The following CREB1 variants were observed in gnomAD, a reference collection of about 807,000 sequenced individuals.
CREB1 encodes cyclic AMP-responsive element-binding protein 1.
Under a neutral mutation model 42.0 loss-of-function variants are expected in CREB1, and 2 were observed. That is an observed-to-expected ratio of 0.05 (90% CI 0.02 to 0.15). CREB1 has a LOEUF of 0.15. Among genes scored for constraint, CREB1 ranks in the 10% least tolerant of loss-of-function variants. The pLI is 1.00. For missense variants in CREB1, 199 were observed against 388.9 expected (o/e 0.51, Z 4.11); for synonymous variants, 123 against 139.9 (o/e 0.88, Z 0.85).
chr2:207,535,828 A>G (rs1057334185), intron 1 of CREB1, among the ~76,000 whole-genome samples: 7 of 147,938 alleles, frequency 4.7e-5, no homozygotes, highest in Non-Finnish European at 1.0e-4. Context: ...ATTTTTATTT[A>G]TTTATTTTTT....
At chr2:207,589,336 G>GTGTTA (rs1323392080) in intron 7 of CREB1, among the ~76,000 whole-genome samples, 1 of 152,090 alleles carries the variant, frequency 6.6e-6, no homozygotes, top group Non-Finnish European at 1.5e-5. Context: ...CTTCAACATA[G>GTGTTA]TGTTATCTCT....
intron 2 of CREB1, among the ~76,000 whole-genome samples, chr2:207,557,286 C>T (rs2081766889): frequency 6.6e-6 from 1 of 152,174 alleles, no homozygotes; most frequent in Admixed American, 6.5e-5. Context: ...TTTCTCCCTA[C>T]TTCCATTTTC....
At chr2:207,589,974 CCTTCT>C (rs2084658121) in intron 7 of CREB1, among the ~76,000 whole-genome samples, 1 of 151,998 alleles carries the variant, frequency 6.6e-6, no homozygotes, top group Admixed American at 6.6e-5. Flanking sequence ...TCTTCCCTTC[CCTTCT>C]CTTTTTCTGG....
intron 7 of CREB1, among the ~76,000 whole-genome samples, chr2:207,594,628 A>G (rs1027743240): frequency 2.0e-5 from 3 of 152,170 alleles, no homozygotes; most frequent in Admixed American, 6.5e-5. Flanking sequence ...GCTGATGGAC[A>G]TTTGGGCTGC....
rs187323653 is a variant in CREB1, at chr2:207,581,710, G to A, written c.839+4055G>A. Reference sequence around the variant, plus strand: ...TAATCTTAGTATATTACATAACCAGGGTACATTTATCAAAAATAAAAGTAC... The same window carrying A: ...TAATCTTAGTATATTACATAACCAGAGTACATTTATCAAAAATAAAAGTAC... On this transcript the variant is annotated intron_variant, in intron 7 of 7. Transcript: ENST00000353267. The A allele has an allele frequency of 1.6e-4, 95 of 591,972 alleles. No individual in the cohort carries two copies. The African/African-American group carries it at 1.7e-3, about 11-fold the overall frequency. 36.7% of individuals were successfully genotyped at this position (591,972 alleles called of 1,614,324 possible). A position where few individuals can be genotyped will look rare whatever the true frequency, so the allele number is the denominator to read the frequency against.
At chr2:207,531,395 C>T (rs995443481) in intron 1 of CREB1, among the ~76,000 whole-genome samples, 1 of 152,196 alleles carries the variant, frequency 6.6e-6, no homozygotes, top group Non-Finnish European at 1.5e-5. Flanking sequence ...TAACCCCCGT[C>T]TTGAGATTGA....
chr2:207,582,030 G>C (rs2106622609), intron 7 of CREB1: 1 of 699,244 alleles, frequency 1.4e-6, no homozygotes, highest in South Asian at 1.5e-5. Flanking sequence ...ACATCCGGGA[G>C]CACATACATA....
chr2:207,573,447 T>C (rs1002420475), intron 5 of CREB1, among the ~76,000 whole-genome samples: 3 of 152,192 alleles, frequency 2.0e-5, no homozygotes, highest in Non-Finnish European at 2.9e-5. Flanking sequence ...AATAACAGTT[T>C]AGTGATGGCT....
chr2:207,564,164 G>A (rs1243032209), intron 3 of CREB1, among the ~76,000 whole-genome samples: 4 of 151,962 alleles, frequency 2.6e-5, no homozygotes, highest in African/African-American at 9.7e-5. Flanking sequence ...AGAGATACAT[G>A]CAGATCAAAA....
chr2:207,561,056 C>A, intron 3 of CREB1: 1 of 1,463,192 alleles, frequency 6.8e-7, no homozygotes, highest in Non-Finnish European at 9.6e-7. Context: ...AAAAAAAAGA[C>A]TTGAACGTTC....
chr2:207,545,887 C>A (rs1012398705), intron 1 of CREB1, among the ~76,000 whole-genome samples: 4 of 152,058 alleles, frequency 2.6e-5, no homozygotes, highest in Non-Finnish European at 5.9e-5. Flanking sequence ...GCGTGCGCCA[C>A]CACGCCTGGC....
intron 1 of CREB1, among the ~76,000 whole-genome samples, chr2:207,548,505 C>CT (rs1226445804): frequency 6.6e-6 from 1 of 152,102 alleles, no homozygotes; most frequent in Non-Finnish European, 1.5e-5. Context: ...AATCCCAGCA[C>CT]TTTGGGAGGC....
Position 207,598,169 on chromosome 2 carries a change from TGAAA to T in CREB1, c.*1115_*1118del, listed in dbSNP as rs1331910541. On this transcript the variant is annotated 3_prime_UTR_variant, in exon 8 of 8. Transcript: ENST00000353267. ...GAGAATCTCTAGTGAATTTTTTAAATGAAAGAAGTTGTAAGGATATAAAAAGTAC... is the reference window on the plus strand; with the variant it reads ...GAGAATCTCTAGTGAATTTTTTAAATGAAGTTGTAAGGATATAAAAAGTAC... The T allele has an allele frequency of 1.1e-5, 2 of 180,840 alleles. No individual in the cohort carries two copies. Among genetic ancestry groups the T allele is most frequent in the East Asian group, 9.1e-5 (1 of 11,026 alleles). 11.2% of individuals were successfully genotyped at this position (180,840 alleles called of 1,614,324 possible).
At chr2:207,542,480 A>G (rs149589539) in intron 1 of CREB1, among the ~76,000 whole-genome samples, 1 of 152,270 alleles carries the variant, frequency 6.6e-6, no homozygotes, top group East Asian at 1.9e-4. Flanking sequence ...TTCTTTGGGA[A>G]AATTTCTGTT....
At chr2:207,587,199 C>T (rs1464183653) in intron 7 of CREB1, among the ~76,000 whole-genome samples, 4 of 152,238 alleles carry the variant, frequency 2.6e-5, no homozygotes, top group Middle Eastern at 6.8e-3. Context: ...CGAGACCATC[C>T]TGGCTAACAC....
At chr2:207,548,720 C>A (rs2081388765) in intron 1 of CREB1, among the ~76,000 whole-genome samples, 1 of 152,084 alleles carries the variant, frequency 6.6e-6, no homozygotes, top group Non-Finnish European at 1.5e-5. Flanking sequence ...CATTGCACTC[C>A]AGCCTGGGCA....
At position 207,601,779 on chromosome 2, in the gene CREB1, G is replaced by C. The variant is rs902149968; in HGVS notation, c.*4721G>C. ...TTCAGATGAGGAAGGAGAAAGTAAA[G>C]TGTGCATAGTAAGGCTGTAGGTGAA... is the stretch of plus-strand genomic sequence containing the variant. On this transcript the variant is annotated 3_prime_UTR_variant, in exon 8 of 8. Coordinates refer to ENST00000353267, the MANE Select transcript of CREB1 (RefSeq NM_004379.5). 4.6e-6 allele frequency: 1 copy of C among 218,660 alleles called. No individual in the cohort carries two copies. The highest frequency in any genetic ancestry group is 9.2e-6 in the Non-Finnish European group (1 of 108,856). 13.5% of individuals were successfully genotyped at this position (218,660 alleles called of 1,614,324 possible).
Position 207,605,273 on chromosome 2 carries a change from C to G in CREB1, c.*8215C>G, listed in dbSNP as rs536924684. On this transcript the variant is annotated 3_prime_UTR_variant, in exon 8 of 8. Coordinates refer to ENST00000353267, the MANE Select transcript of CREB1 (RefSeq NM_004379.5). ...TTATAGCCATCCTCATGGGTGTGGT[C>G]TCTCATTGTGGTTTTGATTTGCATT... Among the ~76,000 whole-genome samples the G allele has an allele frequency of 3.3e-5, 5 of 152,070 alleles. No individual in the cohort carries two copies. The highest frequency in any genetic ancestry group is 2.6e-4 in the Admixed American group (4 of 15,274).
Position 207,598,915 on chromosome 2 carries a change from A to G in CREB1, c.*1857A>G, listed in dbSNP as rs1004741615. The G allele has an allele frequency of 5.5e-6, 1 of 180,432 alleles. No individual in the cohort carries two copies. Among genetic ancestry groups the G allele is most frequent in the African/African-American group, 2.4e-5 (1 of 42,412 alleles). 11.2% of individuals were successfully genotyped at this position (180,432 alleles called of 1,614,324 possible). On this transcript the variant is annotated 3_prime_UTR_variant, in exon 8 of 8. Coordinates refer to ENST00000353267, the MANE Select transcript of CREB1 (RefSeq NM_004379.5). ...AAAGAGTTGAGACACTTAGAAAACTAATGTTTTATATTTAGTCAAGAGTTA... is the reference window on the plus strand; with the variant it reads ...AAAGAGTTGAGACACTTAGAAAACTGATGTTTTATATTTAGTCAAGAGTTA...
Sources: gnomAD v4.1 joint callset for allele counts (sites outside exome capture counted in the v4.1 genomes callset) on GRCh38, gnomAD v4.1.1 for gene constraint, MANE v1.5 for transcripts, NCBI Gene and HGNC (gene_info 2026-07-23, HGNC 2026-07-21) for gene names.